SERPINB4: variants seen among roughly 807,000 people sequenced by gnomAD.
SERPINB4 encodes the protein serpin B4.
In SERPINB4, 39 loss-of-function variants were observed where a neutral mutation model predicts 33.2. The observed-to-expected ratio is 1.18, with a 90% CI of 0.91 to 1.53. SERPINB4 has a LOEUF of 1.53. Ranked by LOEUF, SERPINB4 falls within the 40% of genes most tolerant of loss-of-function variation. The probability of loss-of-function intolerance (pLI) is 0.00; values close to 1 mark genes in which losing one functional copy is unlikely to be tolerated. For missense variants in SERPINB4, 564 were observed against 455.4 expected (o/e 1.24, Z -2.17); for synonymous variants, 191 against 166.4 (o/e 1.15, Z -1.14).
rs1474169908 is a variant in SERPINB4 at position 63,641,667 on chromosome 18, C to T, written c.351+93G>A. On this transcript the variant is annotated intron_variant, in intron 4 of 7. Transcript: ENST00000341074. Reference sequence around the variant, plus strand: ...AGTAAATGCTCTCCACCTGAGTCGGCCAGGCTCATCTGCCTTGCTTTCTTC... The same window carrying T: ...AGTAAATGCTCTCCACCTGAGTCGGTCAGGCTCATCTGCCTTGCTTTCTTC... 43 of 1,602,562 alleles carry T rather than the reference C, an allele frequency of 2.7e-5. No individual in the cohort carries two copies. In the South Asian group the frequency reaches 2.8e-4, roughly 10 times the overall value.
chr18:63,642,009 T>C (rs1233947674), intron 3 of SERPINB4, 121 bp from the exon 4 acceptor site: 4 of 1,410,212 alleles, frequency 2.8e-6, no homozygotes, highest in Non-Finnish European at 3.9e-6. Context: ...TTTGATGTTA[T>C]TCCCTGATAA....
At chr18:63,641,658 C>T (rs1382848915) in intron 4 of SERPINB4, 102 bp downstream of exon 4, 47 of 1,578,352 alleles carry the variant, frequency 3.0e-5, no homozygotes, top group Non-Finnish European at 3.9e-5. Context: ...TGCTCTCCAC[C>T]TGAGTCGGCC....
chr18:63,639,426 T>G, intron 6 of SERPINB4, 86 bp from the exon 7 acceptor site: 1 of 1,324,450 alleles, frequency 7.6e-7, no homozygotes, highest in Non-Finnish European at 1.0e-6. Flanking sequence ...CACATCCTTC[T>G]TCTTCTAAGA....
intron 7 of SERPINB4, among the ~76,000 whole-genome samples, chr18:63,638,632 A>T (rs941817804): frequency 5.3e-5 from 8 of 151,808 alleles, no homozygotes; most frequent in African/African-American, 1.9e-4. Context: ...ATTGGTATAT[A>T]TTTCTCCCAG....
At chr18:63,638,352 G>A (rs569082376) in intron 7 of SERPINB4, among the ~76,000 whole-genome samples, 7 of 151,552 alleles carry the variant, frequency 4.6e-5, no homozygotes, top group African/African-American at 4.9e-5. Context: ...ACAGAATCAT[G>A]TTTTTACGTA....
Position 63,638,130 on chromosome 18 carries a change from A to C in SERPINB4, c.769-7T>G, listed in dbSNP as rs758748114. 1.2e-5 allele frequency: 19 copies of C among 1,609,100 alleles called. No individual in the cohort carries two copies. The highest frequency in any genetic ancestry group is 1.7e-4 in the Middle Eastern group (1 of 6,026). On this transcript the variant is annotated splice_region_variant and splice_polypyrimidine_tract_variant and intron_variant, in intron 7 of 7. Transcript: ENST00000341074. ...CAGTGAGTTTCTCTTCAAGCTATACAAATGGAAAAAAGAAACTGATATGAC... is the reference window on the plus strand; with the variant it reads ...CAGTGAGTTTCTCTTCAAGCTATACCAATGGAAAAAAGAAACTGATATGAC...
Position 63,643,547 on chromosome 18 carries a change from A to G in SERPINB4, c.31T>C (p.Phe11Leu), listed in dbSNP as rs1416831175. The change falls in exon 2 of 8, where the codon TTC becomes CTC. Residue 11 changes from phenylalanine (F) to leucine (L), a missense_variant. Physicochemically the swap from Phe to Leu is conservative, Grantham distance 22. Transcript: ENST00000341074. MNSLSEANTK[F>L]MFDLFQQFRK... ...AACTGTTGGAACAGATCGAACATGA[A>G]CTTGGTGTTGGCTTCACTGAGTGAA... 2 of 1,613,584 alleles carry G rather than the reference A, an allele frequency of 1.2e-6. No individual in the cohort carries two copies. Among genetic ancestry groups the G allele is most frequent in the Admixed American group, 3.3e-5 (2 of 59,992 alleles).
At chr18:63,639,602 A>G (rs1349231897) in intron 6 of SERPINB4, 32 bp downstream of exon 6, 13 of 1,369,420 alleles carry the variant, frequency 9.5e-6, no homozygotes, top group African/African-American at 2.9e-5. Flanking sequence ...GTATTAACAT[A>G]TTACACTATA....
In SERPINB4 at chr18:63,643,168, G is replaced by A. The variant is rs138641224; in HGVS notation, c.215C>T (p.Thr72Ile). The A allele has an allele frequency of 2.5e-6, 4 of 1,613,328 alleles. No individual in the cohort carries two copies. The highest frequency in any genetic ancestry group is 3.4e-6 in the Non-Finnish European group (4 of 1,179,542). Residue 72 changes from threonine (T) to isoleucine (I), a missense_variant, in exon 3 of 8, where the codon ACA becomes ATA. By Grantham distance (89) the Thr-to-Ile change is moderately conservative. Coordinates refer to ENST00000341074, the MANE Select transcript of SERPINB4 (RefSeq NM_002974.4). ...VTENTTEKAA[T>I]YHVDRSGNVH... is the part of the protein sequence containing the mutation. ...TAGTGCTCTGTGACTCACATGATAT[G>A]TTGCAGCTTTTTCTGTGGTGTTCTC...
rs757104006 is a variant in SERPINB4, at chr18:63,637,677, C to T, written c.*42G>A. The stretch of plus-strand genomic sequence containing the variant: ...CAGCAATCAGTTTACCAGAACACCT[C>T]TAGGTGAACATTTTCTAAATGGAGT... On this transcript the variant is annotated 3_prime_UTR_variant, in exon 8 of 8. Transcript: ENST00000341074. The T allele has an allele frequency of 1.5e-5, 23 of 1,552,468 alleles. No homozygotes were observed. The highest frequency in any genetic ancestry group is 1.9e-5 in the Admixed American group (1 of 52,646).
At chr18:63,640,639 A>G (rs1276291526) in intron 5 of SERPINB4, among the ~76,000 whole-genome samples, 1 of 152,054 alleles carries the variant, frequency 6.6e-6, no homozygotes, top group African/African-American at 2.4e-5. Flanking sequence ...GCAGGGCCAT[A>G]AGCAAATAAT....
At chr18:63,641,499 T>A (rs1342165424) in intron 4 of SERPINB4, among the ~76,000 whole-genome samples, 1 of 152,108 alleles carries the variant, frequency 6.6e-6, no homozygotes, top group African/African-American at 2.4e-5. Flanking sequence ...GGTATCTTAT[T>A]ACTTATTACT....
chr18:63,639,130 A>C, intron 7 of SERPINB4, 55 bp downstream of exon 7: 1 of 1,525,698 alleles, frequency 6.6e-7, no homozygotes, highest in African/African-American at 1.4e-5. Flanking sequence ...TAAACTTGGT[A>C]TCTTTGGAAA....
rs1340188706 is a variant in SERPINB4, at chr18:63,643,585, T to C, written c.-8A>G. On this transcript the variant is annotated 5_prime_UTR_variant, in exon 2 of 8. Coordinates refer to ENST00000341074, the MANE Select transcript of SERPINB4 (RefSeq NM_002974.4). ...TTCACTGAGTGAATTCATGGTGAAC[T>C]CGATGTGATCTGGAACTCCTGGAAA... 1.2e-6 allele frequency: 2 copies of C among 1,613,202 alleles called. No homozygotes were observed. Among genetic ancestry groups the C allele is most frequent in the East Asian group, 2.2e-5 (1 of 44,858 alleles).
At position 63,639,274 on chromosome 18, in the gene SERPINB4, C is replaced by T. The variant is rs1376687671; in HGVS notation, c.679G>A (p.Val227Ile). Reference sequence around the variant, plus strand: ...GGTATTTCCAGGACCTTGGCCTGTACATCCTCCAGCAAGGCAAAATTAAAG... The same window carrying T: ...GGTATTTCCAGGACCTTGGCCTGTATATCCTCCAGCAAGGCAAAATTAAAG... The part of the protein sequence containing the change: ...NSFNFALLED[V>I]QAKVLEIPYK... Residue 227 changes from valine (V) to isoleucine (I), a missense_variant, in exon 7 of 8, where the codon GTA (valine) becomes ATA (isoleucine). Coordinates refer to ENST00000341074, the MANE Select transcript of SERPINB4 (RefSeq NM_002974.4). 6 of 1,612,556 alleles carry T rather than the reference C, an allele frequency of 3.7e-6. No homozygotes were observed. Among genetic ancestry groups the T allele is most frequent in the Non-Finnish European group, 5.1e-6 (6 of 1,179,136 alleles).
In SERPINB4 at chr18:63,637,721, A is replaced by C; in HGVS notation, c.1171T>G (p.Ter391GluextTer9). Residue 391 changes from the stop codon to glutamate, a stop_lost, in exon 8 of 8, where the codon TAG becomes GAG. Coordinates refer to ENST00000341074, the MANE Select transcript of SERPINB4 (RefSeq NM_002974.4). The part of the protein sequence containing the change: ...ILFYGRFSSP[*>E] ...ATGGAGTGACAGACTAATTGCATCTATGGGGATGAGAATCTGCCATAGAAG... is the reference window on the plus strand; with the variant it reads ...ATGGAGTGACAGACTAATTGCATCTCTGGGGATGAGAATCTGCCATAGAAG... The C allele has an allele frequency of 6.2e-7, 1 of 1,600,816 alleles. No individual in the cohort carries two copies. The highest frequency in any genetic ancestry group is 1.1e-5 in the South Asian group (1 of 88,332).
At chr18:63,641,940 T>A in intron 3 of SERPINB4, 52 bp from the exon 4 acceptor site, 2 of 1,607,398 alleles carry the variant, frequency 1.2e-6, no homozygotes. Context: ...ATGTAAATAC[T>A]AAACCCATGC....
At chr18:63,641,138 G>A (rs1913116727) in intron 4 of SERPINB4, 147 bp from the exon 5 acceptor site, 3 of 665,808 alleles carry the variant, frequency 4.5e-6, no homozygotes, top group Non-Finnish European at 7.7e-6. Flanking sequence ...TTATACAGGT[G>A]TCATGTAGGC....
rs375133907 is a variant in SERPINB4 at position 63,643,113 on chromosome 18, T to C, written c.222+48A>G. 24 of 1,610,380 alleles carry C rather than the reference T, an allele frequency of 1.5e-5. No individual in the cohort carries two copies. The African/African-American group carries it at 2.9e-4, about 20-fold the overall frequency. ...TTTGTGAAGTTCCAGGTTTAAACTA[T>C]GACCTGTTCAGGGATCTAAAGCTGA... On this transcript the variant is annotated intron_variant, in intron 3 of 7. Coordinates refer to ENST00000341074, the MANE Select transcript of SERPINB4 (RefSeq NM_002974.4).
Sources: allele counts gnomAD v4.1 joint callset (sites outside exome capture counted in the v4.1 genomes callset), GRCh38; gene constraint gnomAD v4.1.1; transcripts MANE v1.5; gene names NCBI Gene and HGNC (gene_info 2026-07-23, HGNC 2026-07-21).